The following NFIB variants were observed in gnomAD, a reference collection of about 807,000 sequenced individuals.
The protein encoded by NFIB is nuclear factor 1 B-type.
NFIB carries 11 observed loss-of-function variants against 61.5 expected under a neutral mutation model. That is an observed-to-expected ratio of 0.18 (90% CI 0.11 to 0.30). The LOEUF (loss-of-function observed/expected upper bound fraction) is 0.30, where lower values mean the gene tolerates loss of function less well. Ranked by LOEUF, NFIB falls within the 10% of genes least tolerant of loss-of-function variation. The pLI is 1.00. For synonymous variants in NFIB, 260 were observed against 216.5 expected (o/e 1.20, Z -1.76); for missense variants, 471 against 608.9 (o/e 0.77, Z 2.38).
intron 6 of NFIB, among the ~76,000 whole-genome samples, chr9:14,136,281 A>G (rs2041035660): frequency 6.6e-6 from 1 of 152,188 alleles, no homozygotes; most frequent in Non-Finnish European, 1.5e-5. Context: ...AATTTGAAAG[A>G]GAGAAAAAAC....
the NFIB span, among the ~76,000 whole-genome samples, chr9:14,423,895 T>G: frequency 1.3e-5 from 2 of 152,216 alleles, no homozygotes; most frequent in Admixed American, 1.3e-4. Flanking sequence ...TTTGCATTCC[T>G]TAACCATGAC....
At chr9:14,097,163 T>C (rs2118720276) in intron 10 of NFIB, among the ~76,000 whole-genome samples, 1 of 152,284 alleles carries the variant, frequency 6.6e-6, no homozygotes, top group East Asian at 1.9e-4. Flanking sequence ...GTAATTCCTT[T>C]AAAAAGAATA....
the NFIB span, among the ~76,000 whole-genome samples, chr9:14,416,892 CTTTT>C: frequency 2.4e-5 from 3 of 126,930 alleles, no homozygotes; most frequent in African/African-American, 6.6e-5. Context: ...ACTATTTTTA[CTTTT>C]TTTTTTTTTT....
the NFIB span, among the ~76,000 whole-genome samples, chr9:14,489,455 G>T: frequency 1.1e-4 from 17 of 152,200 alleles, 1 homozygote; most frequent in Admixed American, 1.1e-3. Context: ...CTCCTTGAAT[G>T]TGGAGACCAC....
chr9:14,386,484 G>A (rs1400831959), intron 1 of NFIB, among the ~76,000 whole-genome samples: 1 of 152,092 alleles, frequency 6.6e-6, no homozygotes, highest in Non-Finnish European at 1.5e-5. Flanking sequence ...TACGCTACAG[G>A]ACCCAAGAAT....
the NFIB span, among the ~76,000 whole-genome samples, chr9:14,414,919 C>T: frequency 2.0e-5 from 3 of 152,174 alleles, no homozygotes; most frequent in Non-Finnish European, 4.4e-5. Flanking sequence ...AATCAAATGG[C>T]CATTCTATTA....
At chr9:14,202,625 T>C (rs1265505908) in intron 2 of NFIB, among the ~76,000 whole-genome samples, 1 of 152,198 alleles carries the variant, frequency 6.6e-6, no homozygotes, top group Non-Finnish European at 1.5e-5. Flanking sequence ...GCAAAGTTTC[T>C]AAATGGAATG....
In NFIB at chr9:14,246,075, T is replaced by C. The variant is rs559412704; in HGVS notation, c.562+60914A>G. Among the ~76,000 whole-genome samples, 8 of 151,486 alleles carry C rather than the reference T, an allele frequency of 5.3e-5. No individual in the cohort carries two copies. The East Asian group carries it at 1.6e-3, about 30-fold the overall frequency. ...ATGTGTGGTTTTCCTCTCTAATTCC[T>C]GAGAATTAGAGAGGAAAAGGCATTC... On this transcript the variant is annotated intron_variant, in intron 2 of 10. Coordinates refer to ENST00000380953, the MANE Select transcript of NFIB (RefSeq NM_001190737.2).
the NFIB span, among the ~76,000 whole-genome samples, chr9:14,497,921 G>C: frequency 6.6e-6 from 1 of 152,220 alleles, no homozygotes; most frequent in East Asian, 1.9e-4. Context: ...GAAAAGTCAA[G>C]TTCAGAGATG....
intron 6 of NFIB, 27 bp from the exon 7 acceptor site, chr9:14,125,793 G>A: frequency 1.2e-6 from 2 of 1,610,350 alleles, no homozygotes; most frequent in Non-Finnish European, 8.5e-7. Context: ...AAAACCCAAA[G>A]CTCCATGACT....
the NFIB span, among the ~76,000 whole-genome samples, chr9:14,454,524 A>G: frequency 6.6e-6 from 1 of 152,220 alleles, no homozygotes; most frequent in South Asian, 2.1e-4. Flanking sequence ...AGCCACCTAG[A>G]CTATGTTGCC....
At chr9:14,204,706 G>A in intron 2 of NFIB, 4 of 606,540 alleles carry the variant, frequency 6.6e-6, no homozygotes, top group Non-Finnish European at 1.2e-5. Flanking sequence ...AAGCTCAGTT[G>A]GTGGTGATTG....
chr9:14,184,888 T>C (rs900345016), intron 2 of NFIB, among the ~76,000 whole-genome samples: 32 of 152,072 alleles, frequency 2.1e-4, no homozygotes, highest in Non-Finnish European at 2.5e-4. Flanking sequence ...CCAGGTGCGG[T>C]GGCACACACC....
chr9:14,523,459 C>T, the NFIB span, among the ~76,000 whole-genome samples: 28 of 152,034 alleles, frequency 1.8e-4, no homozygotes, highest in African/African-American at 6.3e-4. Context: ...CTGCGTGTGC[C>T]TCTGAACTCT....
At chr9:14,148,243 CG>C (rs1400541338) in intron 5 of NFIB, among the ~76,000 whole-genome samples, 1 of 151,980 alleles carries the variant, frequency 6.6e-6, no homozygotes, top group Non-Finnish European at 1.5e-5. Context: ...CTACCACAGC[CG>C]CCCAAATAGT....
At chr9:14,372,837 C>G (rs528463464) in intron 1 of NFIB, among the ~76,000 whole-genome samples, 13 of 152,296 alleles carry the variant, frequency 8.5e-5, no homozygotes, top group African/African-American at 3.1e-4. Context: ...ACCTCTAACT[C>G]AAGTGTTGAA....
chr9:14,363,657 A>T (rs2061267454), intron 1 of NFIB, among the ~76,000 whole-genome samples: 2 of 150,116 alleles, frequency 1.3e-5, no homozygotes, highest in African/African-American at 5.0e-5. Flanking sequence ...ATATGTACAC[A>T]CATAAACATC....
chr9:14,274,800 G>A (rs985600706), intron 2 of NFIB, among the ~76,000 whole-genome samples: 2 of 152,164 alleles, frequency 1.3e-5, no homozygotes, highest in Admixed American at 6.5e-5. Context: ...ACTGTGCTCT[G>A]ACAGCATGCT....
chr9:14,239,454 C>T (rs1213172980), intron 2 of NFIB, among the ~76,000 whole-genome samples: 1 of 152,106 alleles, frequency 6.6e-6, no homozygotes, highest in South Asian at 2.1e-4. Context: ...CCTGGATAGA[C>T]ACAATACTCA....
Sources: allele counts gnomAD v4.1 joint callset (sites outside exome capture counted in the v4.1 genomes callset), GRCh38; gene constraint gnomAD v4.1.1; transcripts MANE v1.5; gene names NCBI Gene and HGNC (gene_info 2026-07-23, HGNC 2026-07-21).